The following CSMD1 variants were observed in gnomAD, a reference collection of about 807,000 sequenced individuals.
CSMD1 encodes the protein CUB and sushi domain-containing protein 1.
In CSMD1, 213 loss-of-function variants were observed where a neutral mutation model predicts 417.5. That is an observed-to-expected ratio of 0.51 (90% CI 0.46 to 0.57). The LOEUF (loss-of-function observed/expected upper bound fraction) is 0.57. CSMD1 is among the 20% of genes least tolerant of loss of function. The probability of loss-of-function intolerance (pLI) is 0.00; values close to 1 mark genes in which losing one functional copy is unlikely to be tolerated. For missense variants in CSMD1, 6,923 were observed against 4,529.7 expected, an observed-to-expected ratio of 1.53 and a Z score of -15.17; for synonymous variants, 2,862 against 1,736.8, an observed-to-expected ratio of 1.65 and a Z score of -16.11.
intron 3 of CSMD1, among the ~76,000 whole-genome samples, chr8:4,096,685 T>C (rs1222123352): frequency 2.6e-5 from 4 of 152,240 alleles, no homozygotes; most frequent in African/African-American, 4.8e-5. Flanking sequence ...AAATTCAGAC[T>C]TTCCAAAAGC....
intron 2 of CSMD1, among the ~76,000 whole-genome samples, chr8:4,551,235 C>A (rs889711199): frequency 1.3e-5 from 2 of 151,198 alleles, no homozygotes; most frequent in East Asian, 1.9e-4. Context: ...TGAAAATCCT[C>A]GAATGCAGAG....
intron 10 of CSMD1, among the ~76,000 whole-genome samples, chr8:3,532,142 G>C (rs1798008529): frequency 6.6e-6 from 1 of 152,170 alleles, no homozygotes; most frequent in Non-Finnish European, 1.5e-5. Flanking sequence ...CTCTGGAGTA[G>C]AAAGGTGTTC....
chr8:4,443,072 G>C (rs184143677), intron 2 of CSMD1, among the ~76,000 whole-genome samples: 6 of 152,284 alleles, frequency 3.9e-5, no homozygotes, highest in Non-Finnish European at 7.3e-5. Context: ...AGAAGAGTCA[G>C]AGGTGGTATC....
At chr8:4,708,396 T>G (rs750592780) in intron 1 of CSMD1, among the ~76,000 whole-genome samples, 2 of 152,212 alleles carry the variant, frequency 1.3e-5, no homozygotes, top group Non-Finnish European at 2.9e-5. Flanking sequence ...TGCCTAAAAC[T>G]GAATATGTAT....
At chr8:3,698,426 T>C (rs910482538) in intron 7 of CSMD1, among the ~76,000 whole-genome samples, 2 of 152,240 alleles carry the variant, frequency 1.3e-5, no homozygotes, top group African/African-American at 2.4e-5. Flanking sequence ...TAAGCCTTTA[T>C]ACTACTGTTA....
At chr8:3,636,968 G>T (rs1047053786) in intron 7 of CSMD1, among the ~76,000 whole-genome samples, 3 of 152,044 alleles carry the variant, frequency 2.0e-5, no homozygotes, top group Non-Finnish European at 4.4e-5. Context: ...CTATAAATGC[G>T]AATTTGTCTC....
At chr8:3,009,437 T>C in intron 52 of CSMD1, among the ~76,000 whole-genome samples, 1 of 152,216 alleles carries the variant, frequency 6.6e-6, no homozygotes, top group Non-Finnish European at 1.5e-5. Flanking sequence ...AACATGGTCT[T>C]TGGCTAAGTC....
At chr8:4,129,863 T>C (rs528611291) in intron 3 of CSMD1, among the ~76,000 whole-genome samples, 12 of 152,304 alleles carry the variant, frequency 7.9e-5, no homozygotes, top group East Asian at 5.8e-4. Context: ...TGCTTTTTCA[T>C]AGCATTCTGT....
chr8:4,895,746 A>T (rs1227412521), intron 1 of CSMD1, among the ~76,000 whole-genome samples: 4 of 151,616 alleles, frequency 2.6e-5, no homozygotes, highest in Non-Finnish European at 5.9e-5. Context: ...TTTTTCTAGT[A>T]ATTAACCAAA....
intron 5 of CSMD1, among the ~76,000 whole-genome samples, chr8:3,962,769 G>T (rs1363342778): frequency 6.6e-6 from 1 of 152,052 alleles, no homozygotes; most frequent in East Asian, 1.9e-4. Context: ...TGGCATCTAT[G>T]TTTCCACAAT....
intron 10 of CSMD1, among the ~76,000 whole-genome samples, chr8:3,506,132 C>T (rs189606981): frequency 4.6e-5 from 7 of 152,202 alleles, no homozygotes; most frequent in East Asian, 1.9e-4. Flanking sequence ...ATAGGTGCGG[C>T]GGCCAGCAGA....
At chr8:3,292,775 T>A (rs957311598) in intron 25 of CSMD1, among the ~76,000 whole-genome samples, 18 of 152,222 alleles carry the variant, frequency 1.2e-4, no homozygotes, top group East Asian at 1.9e-4. Context: ...CTTGACTTTT[T>A]ATGCAATTTG....
chr8:3,788,997 C>T (rs1799589044), intron 5 of CSMD1, among the ~76,000 whole-genome samples: 1 of 152,170 alleles, frequency 6.6e-6, no homozygotes, highest in Non-Finnish European at 1.5e-5. Flanking sequence ...GTTATTTCCA[C>T]TGTATTACAC....
intron 1 of CSMD1, among the ~76,000 whole-genome samples, chr8:4,650,633 C>G (rs1261902833): frequency 6.7e-6 from 1 of 149,972 alleles, no homozygotes; most frequent in South Asian, 2.1e-4. Context: ...AAGTGACAGC[C>G]TTTCGAGTCT....
chr8:3,071,122 A>G (rs1813297166), intron 49 of CSMD1, among the ~76,000 whole-genome samples: 1 of 152,226 alleles, frequency 6.6e-6, no homozygotes, highest in Non-Finnish European at 1.5e-5. Context: ...TCATGAAGAT[A>G]GCACCAAGCC....
chr8:3,153,967 C>T (rs1232551532), intron 39 of CSMD1, among the ~76,000 whole-genome samples: 1 of 152,120 alleles, frequency 6.6e-6, no homozygotes, highest in Non-Finnish European at 1.5e-5. Flanking sequence ...ATCTTTTCTT[C>T]CTTTGTAACT....
chr8:4,677,209 T>C (rs1478523066), intron 1 of CSMD1, among the ~76,000 whole-genome samples: 6 of 150,988 alleles, frequency 4.0e-5, no homozygotes, highest in African/African-American at 1.5e-4. Context: ...TAATAGTTCT[T>C]AAGTTACTGT....
intron 3 of CSMD1, among the ~76,000 whole-genome samples, chr8:4,286,339 TA>T (rs1168271691): frequency 1.3e-5 from 2 of 152,114 alleles, no homozygotes; most frequent in African/African-American, 4.8e-5. Flanking sequence ...CTTTTATTTT[TA>T]AAAAACAACG....
intron 10 of CSMD1, among the ~76,000 whole-genome samples, chr8:3,570,035 GA>G (rs1192812953): frequency 1.1e-4 from 17 of 152,264 alleles, no homozygotes; most frequent in African/African-American, 3.8e-4. Flanking sequence ...AGATGAGAGA[GA>G]AAAAATAAAC....
Sources: allele counts gnomAD v4.1 joint callset (sites outside exome capture counted in the v4.1 genomes callset), GRCh38; gene constraint gnomAD v4.1.1; transcripts MANE v1.5; gene names NCBI Gene and HGNC (gene_info 2026-07-23, HGNC 2026-07-21).